AKAP6: variants seen among roughly 807,000 people sequenced by gnomAD.
AKAP6 encodes A-kinase anchoring protein 6, also known as A-kinase anchor protein 6.
A neutral mutation model predicts 188.5 loss-of-function variants in AKAP6; 58 were observed. The ratio of observed to expected loss-of-function variants is 0.31; its 90% CI spans 0.25 to 0.38. The LOEUF (loss-of-function observed/expected upper bound fraction) is 0.38, where lower values mean the gene tolerates loss of function less well. Ranked by LOEUF, AKAP6 falls within the 10% of genes least tolerant of loss-of-function variation. The probability of loss-of-function intolerance (pLI) is 1.00; values close to 1 mark genes in which losing one functional copy is unlikely to be tolerated. For missense variants in AKAP6, 2,710 were observed against 2,740.0 expected (o/e 0.99, Z 0.24); for synonymous variants, 989 against 998.6 (o/e 0.99, Z 0.18).
chr14:32,812,137 A>T (rs2140118467), intron 12 of AKAP6, among the ~76,000 whole-genome samples: 1 of 152,282 alleles, frequency 6.6e-6, no homozygotes, highest in Middle Eastern at 3.4e-3. Flanking sequence ...CAGGAAAAAA[A>T]ATGGGGCCAG....
intron 2 of AKAP6, among the ~76,000 whole-genome samples, chr14:32,466,767 C>T (rs1330836413): frequency 1.4e-5 from 2 of 140,482 alleles, no homozygotes; most frequent in African/African-American, 2.8e-5. Context: ...GATATATTAA[C>T]CAATCGATGT....
intron 1 of AKAP6, chr14:32,373,231 AGG>A (rs2138525784): frequency 6.6e-6 from 1 of 152,214 alleles, no homozygotes; most frequent in Admixed American, 6.5e-5. Flanking sequence ...GCGGGAGACC[AGG>A]GTTTTATTAT....
chr14:32,744,600 A>G (rs911127153), intron 11 of AKAP6, among the ~76,000 whole-genome samples: 9 of 152,162 alleles, frequency 5.9e-5, no homozygotes, highest in Non-Finnish European at 1.3e-4. Flanking sequence ...TACAGGCATG[A>G]GCCACTGCAC....
At chr14:32,557,259 A>G (rs1883728911) in intron 4 of AKAP6, among the ~76,000 whole-genome samples, 1 of 151,946 alleles carries the variant, frequency 6.6e-6, no homozygotes, top group Non-Finnish European at 1.5e-5. Flanking sequence ...GATAATTTTC[A>G]TATTAATTTT....
intron 12 of AKAP6, among the ~76,000 whole-genome samples, chr14:32,780,048 A>G (rs1049583966): frequency 1.3e-5 from 2 of 151,904 alleles, no homozygotes; most frequent in Non-Finnish European, 2.9e-5. Flanking sequence ...ACTGCCTCAT[A>G]AGGATGTCTT....
intron 2 of AKAP6, among the ~76,000 whole-genome samples, chr14:32,475,929 C>T (rs1050675568): frequency 5.9e-5 from 9 of 151,826 alleles, no homozygotes; most frequent in Non-Finnish European, 1.2e-4. Flanking sequence ...ATGATCCGCC[C>T]GCCTCGGCCT....
At chr14:32,402,448 A>G (rs1338742952) in intron 1 of AKAP6, among the ~76,000 whole-genome samples, 1 of 152,210 alleles carries the variant, frequency 6.6e-6, no homozygotes, top group Non-Finnish European at 1.5e-5. Context: ...CTGATATCAA[A>G]TGCCTTTTCC....
intron 2 of AKAP6, among the ~76,000 whole-genome samples, chr14:32,463,911 T>C (rs1002694386): frequency 1.3e-5 from 2 of 152,074 alleles, no homozygotes; most frequent in Non-Finnish European, 2.9e-5. Context: ...ATAAAGGGGA[T>C]ATAACCACTG....
intron 8 of AKAP6, among the ~76,000 whole-genome samples, chr14:32,695,120 T>C (rs1327061742): frequency 2.0e-5 from 3 of 152,246 alleles, no homozygotes; most frequent in African/African-American, 7.2e-5. Context: ...CTTATTCTAA[T>C]GATTTATTTT....
chr14:32,386,197 G>A (rs1025487390), intron 1 of AKAP6, among the ~76,000 whole-genome samples: 1 of 151,992 alleles, frequency 6.6e-6, no homozygotes, highest in African/African-American at 2.4e-5. Flanking sequence ...TTTTCAGAGT[G>A]GTTGTGCTAG....
In AKAP6 at chr14:32,822,679, T is replaced by C; in HGVS notation, c.4866T>C (p.Ser1622=). The change falls in exon 13 of 14, where the codon AGT becomes AGC. Residue 1622 remains serine, a synonymous_variant. Transcript: ENST00000280979. ...GCTCTGGGGATATAAGCGTGAGCAGTGGCTCAGTTGGTGAACTAAGTAAAA... is the reference window on the plus strand; with the variant it reads ...GCTCTGGGGATATAAGCGTGAGCAGCGGCTCAGTTGGTGAACTAAGTAAAA... The part of the protein sequence containing the change: ...CHSSGDISVS[S]GSVGELSKRT... The C allele has an allele frequency of 6.2e-7, 1 of 1,614,026 alleles. No individual in the cohort carries two copies. Among genetic ancestry groups the C allele is most frequent in the Non-Finnish European group, 8.5e-7 (1 of 1,179,946 alleles).
chr14:32,788,611 A>AC (rs141732074), intron 12 of AKAP6, among the ~76,000 whole-genome samples: 20,010 of 151,760 alleles, frequency 0.13, 1,366 homozygotes, highest in Middle Eastern at 0.22. Flanking sequence ...TGAGCGTGCA[A>AC]CCCCCCCCAG....
intron 1 of AKAP6, among the ~76,000 whole-genome samples, chr14:32,388,144 T>C (rs968720906): frequency 4.6e-5 from 7 of 152,138 alleles, no homozygotes; most frequent in Non-Finnish European, 8.8e-5. Context: ...AAGGTGTTCA[T>C]AGTAGCCTTG....
intron 7 of AKAP6, among the ~76,000 whole-genome samples, chr14:32,646,286 G>A (rs1355680875): frequency 6.6e-6 from 1 of 151,854 alleles, no homozygotes; most frequent in Non-Finnish European, 1.5e-5. Context: ...ATCTATAATA[G>A]TACATAACAG....
chr14:32,438,130 A>G (rs17099128), intron 2 of AKAP6, among the ~76,000 whole-genome samples: 1,593 of 152,254 alleles, frequency 0.01, 29 homozygotes, highest in African/African-American at 0.036. Context: ...AGGCTGCTCA[A>G]TGAGGATTGA....
intron 1 of AKAP6, among the ~76,000 whole-genome samples, chr14:32,336,148 C>G (rs1441007947): frequency 6.6e-6 from 1 of 151,926 alleles, no homozygotes; most frequent in Non-Finnish European, 1.5e-5. Flanking sequence ...ATCTATTAAT[C>G]TACAGATTTG....
chr14:32,576,221 C>T (rs961205273), intron 4 of AKAP6, among the ~76,000 whole-genome samples: 2 of 152,112 alleles, frequency 1.3e-5, no homozygotes, highest in African/African-American at 2.4e-5. Flanking sequence ...AATAGGGAAA[C>T]GGCATCTCAA....
intron 1 of AKAP6, among the ~76,000 whole-genome samples, chr14:32,382,551 T>C (rs1043410766): frequency 6.6e-6 from 1 of 152,258 alleles, no homozygotes; most frequent in Admixed American, 6.5e-5. Flanking sequence ...TTAGCTATCA[T>C]TGGCAGATAC....
chr14:32,590,602 C>T (rs1012320241), intron 5 of AKAP6, among the ~76,000 whole-genome samples: 2 of 152,114 alleles, frequency 1.3e-5, no homozygotes, highest in Non-Finnish European at 2.9e-5. Context: ...AAGTTATTTC[C>T]TCTACCATTT....
Sources: gnomAD v4.1 joint callset for allele counts (sites outside exome capture counted in the v4.1 genomes callset) on GRCh38, gnomAD v4.1.1 for gene constraint, MANE v1.5 for transcripts, NCBI Gene and HGNC (gene_info 2026-07-23, HGNC 2026-07-21) for gene names.